AGBL1: variants seen among roughly 807,000 people sequenced by gnomAD.
The protein encoded by AGBL1 is cytosolic carboxypeptidase 4.
AGBL1 carries 130 observed loss-of-function variants against 118.9 expected under a neutral mutation model. The ratio of observed to expected loss-of-function variants is 1.09; its 90% CI spans 0.95 to 1.26. AGBL1 has a LOEUF of 1.26. AGBL1 is among the 50% of genes most tolerant of loss of function. The pLI is 0.00. For synonymous variants in AGBL1, 555 were observed against 478.9 expected, an observed-to-expected ratio of 1.16 and a Z score of -2.08; for missense variants, 1,584 against 1,298.1, an observed-to-expected ratio of 1.22 and a Z score of -3.38.
In AGBL1 at chr15:86,909,932, A is replaced by C. The variant is rs560747807; in HGVS notation, c.*2638A>C. On this transcript the variant is annotated 3_prime_UTR_variant, in exon 23 of 23. Transcript: ENST00000614907. ...AGCCAGGAACATGAAGTATTTGTTG[A>C]TCCATCTATGTAACAAATGTATATT... The C allele has an allele frequency of 2.0e-5, 3 of 152,346 alleles. No individual in the cohort carries two copies. The highest frequency in any genetic ancestry group is 7.2e-5 in the African/African-American group (3 of 41,578). The allele number at this position is 152,346 out of a possible 1,614,324, so 9.4% of individuals were successfully genotyped here.
At chr15:86,862,242 T>G (rs1048582446) in intron 22 of AGBL1, among the ~76,000 whole-genome samples, 5 of 152,210 alleles carry the variant, frequency 3.3e-5, no homozygotes, top group African/African-American at 1.2e-4. Context: ...GAACCAGCAT[T>G]TATAGGCAGA....
At chr15:86,454,929 T>G (rs1165006702) in intron 18 of AGBL1, among the ~76,000 whole-genome samples, 1 of 152,208 alleles carries the variant, frequency 6.6e-6, no homozygotes, top group African/African-American at 2.4e-5. Context: ...AAAGCAAAAC[T>G]AATGCATGTT....
intron 22 of AGBL1, among the ~76,000 whole-genome samples, chr15:86,772,787 G>A (rs766770563): frequency 7.9e-5 from 12 of 152,064 alleles, no homozygotes; most frequent in Non-Finnish European, 1.0e-4. Flanking sequence ...CTGCTGATAC[G>A]TACAATAAGC....
At chr15:86,172,405 T>C (rs748969338) in intron 5 of AGBL1, among the ~76,000 whole-genome samples, 8 of 152,216 alleles carry the variant, frequency 5.3e-5, no homozygotes, top group Non-Finnish European at 1.0e-4. Context: ...GAAATAGATA[T>C]CGTTGTTACC....
intron 22 of AGBL1, among the ~76,000 whole-genome samples, chr15:86,678,406 A>G (rs757678868): frequency 2.0e-5 from 3 of 152,162 alleles, no homozygotes; most frequent in Non-Finnish European, 4.4e-5. Flanking sequence ...TCTGATGCAG[A>G]TAAAAATCCT....
intron 23 of AGBL1, among the ~76,000 whole-genome samples, chr15:86,985,083 A>G (rs1349040354): frequency 6.6e-6 from 1 of 152,186 alleles, no homozygotes. Context: ...TCCTAATTTT[A>G]TTGCAAAATA....
At chr15:86,384,992 G>A (rs2081162716) in intron 17 of AGBL1, among the ~76,000 whole-genome samples, 2 of 152,118 alleles carry the variant, frequency 1.3e-5, no homozygotes, top group Admixed American at 6.6e-5. Context: ...GTGGTGAGGG[G>A]CTTTAGTTAG....
chr15:86,463,701 T>C (rs8025486), intron 18 of AGBL1, among the ~76,000 whole-genome samples: 57,616 of 152,060 alleles, frequency 0.38, 12,024 homozygotes, highest in Middle Eastern at 0.52. Flanking sequence ...TAGGGAATCC[T>C]TTCCCCATTG....
chr15:86,410,442 G>A (rs985821983), intron 18 of AGBL1, among the ~76,000 whole-genome samples: 3 of 152,046 alleles, frequency 2.0e-5, no homozygotes, highest in African/African-American at 7.2e-5. Context: ...TTAGGTCAAA[G>A]TTAGCTTCTT....
chr15:86,398,526 AAAG>A (rs1302120698), intron 18 of AGBL1, among the ~76,000 whole-genome samples: 1 of 152,148 alleles, frequency 6.6e-6, no homozygotes, highest in African/African-American at 2.4e-5. Context: ...AAGAAGCAAA[AAAG>A]AAGTTTAGAA....
chr15:86,851,443 T>A (rs1251526986), intron 22 of AGBL1, among the ~76,000 whole-genome samples: 1 of 152,178 alleles, frequency 6.6e-6, no homozygotes, highest in Non-Finnish European at 1.5e-5. Flanking sequence ...CACAGCATCA[T>A]TGCTCTTCCC....
intron 21 of AGBL1, among the ~76,000 whole-genome samples, chr15:86,666,542 G>A (rs1170862524): frequency 6.6e-6 from 1 of 151,960 alleles, no homozygotes; most frequent in Non-Finnish European, 1.5e-5. Flanking sequence ...AATTGTCTGG[G>A]TCTTGCCAAA....
rs2077162064 is a variant in AGBL1 at position 86,154,523 on chromosome 15, T to C, written c.356T>C (p.Leu119Pro). Residue 119 changes from leucine to proline, a missense_variant, in exon 4 of 23, where the codon CTC becomes CCC. Physicochemically the swap from Leu to Pro is moderately conservative, Grantham distance 98 (BLOSUM62 -3). Transcript: ENST00000614907. The stretch of plus-strand genomic sequence containing the variant: ...AACCTATCCCATGGCCAGAATCTCC[T>C]CCACTGTCTCTGGGCTCTGCGTGTG... Reference protein sequence around the residue: ...RKNLSHGQNLLHCLWALRVFA... With the variant: ...RKNLSHGQNLPHCLWALRVFA... The C allele has an allele frequency of 6.2e-7, 1 of 1,612,898 alleles. No homozygotes were observed. Among genetic ancestry groups the C allele is most frequent in the Non-Finnish European group, 8.5e-7 (1 of 1,179,370 alleles).
intron 17 of AGBL1, among the ~76,000 whole-genome samples, chr15:86,353,988 A>T (rs1020013144): frequency 2.0e-5 from 3 of 152,202 alleles, no homozygotes; most frequent in Admixed American, 2.0e-4. Flanking sequence ...GATATATTAC[A>T]GAACAATACT....
chr15:86,916,442 T>TGA (rs2080424732), downstream of AGBL1, among the ~76,000 whole-genome samples: 1 of 152,192 alleles, frequency 6.6e-6, no homozygotes, highest in Non-Finnish European at 1.5e-5. Flanking sequence ...TGTGTGTGTG[T>TGA]GAATGTAAGT....
intron 5 of AGBL1, among the ~76,000 whole-genome samples, chr15:86,179,077 G>C (rs1354136901): frequency 6.6e-6 from 1 of 152,176 alleles, no homozygotes; most frequent in Non-Finnish European, 1.5e-5. Flanking sequence ...CAACAAGGCT[G>C]TAAATCAATT....
At chr15:86,785,367 TTTTTTTTTTTTG>T (rs2078393825) in intron 22 of AGBL1, among the ~76,000 whole-genome samples, 1 of 138,852 alleles carries the variant, frequency 7.2e-6, no homozygotes, top group Non-Finnish European at 1.6e-5. Context: ...GTTCTTTTTT[TTTTTTTTTTTTG>T]TTTTTGTTTT....
intron 23 of AGBL1, among the ~76,000 whole-genome samples, chr15:86,957,700 C>A (rs1182514665): frequency 6.6e-6 from 1 of 151,852 alleles, no homozygotes; most frequent in East Asian, 1.9e-4. Context: ...GAAGCTTTTC[C>A]AATTTCAAAA....
At chr15:86,217,033 A>C (rs1205112339) in intron 5 of AGBL1, among the ~76,000 whole-genome samples, 2 of 152,232 alleles carry the variant, frequency 1.3e-5, no homozygotes, top group Non-Finnish European at 2.9e-5. Context: ...TTATCAAAGA[A>C]GTCTACTCCA....
Sources: allele counts gnomAD v4.1 joint callset (sites outside exome capture counted in the v4.1 genomes callset), GRCh38; gene constraint gnomAD v4.1.1; transcripts MANE v1.5; gene names NCBI Gene and HGNC (gene_info 2026-07-23, HGNC 2026-07-21).